The following PTPRG variants were observed in gnomAD, a reference collection of about 807,000 sequenced individuals.
PTPRG encodes the protein receptor-type tyrosine-protein phosphatase gamma.
Under a neutral mutation model 165.3 loss-of-function variants are expected in PTPRG, and 102 were observed. That is an observed-to-expected ratio of 0.62 (90% CI 0.53 to 0.73). PTPRG has a LOEUF of 0.73. Among genes scored for constraint, PTPRG ranks in the 30% least tolerant of loss-of-function variants. PTPRG has a pLI of 0.00. For synonymous variants in PTPRG, 675 were observed against 669.5 expected, an observed-to-expected ratio of 1.01 and a Z score of -0.13; for missense variants, 1,866 against 1,861.4, an observed-to-expected ratio of 1.00 and a Z score of -0.05.
chr3:61,634,045 G>A (rs548501783), intron 1 of PTPRG, among the ~76,000 whole-genome samples: 1 of 151,916 alleles, frequency 6.6e-6, no homozygotes, highest in East Asian at 1.9e-4. Flanking sequence ...CTCCCAAGTA[G>A]CTGGGATTAC....
At chr3:62,168,202 C>G (rs1705074025) in intron 8 of PTPRG, 39 bp downstream of exon 8, 1 of 1,532,982 alleles carries the variant, frequency 6.5e-7, no homozygotes, top group East Asian at 2.3e-5. Flanking sequence ...AGGAAGATTC[C>G]TTATCATAAA....
Position 61,777,128 on chromosome 3 carries a change from T to C in PTPRG, c.190+28146T>C, listed in dbSNP as rs574664491. On this transcript the variant is annotated intron_variant, in intron 2 of 29. Transcript: ENST00000474889. Reference sequence around the variant, plus strand: ...GGAATATCAGAAATGACATTTCTCTTAGTCAATACCTAATAAAATTTTACT... The same window carrying C: ...GGAATATCAGAAATGACATTTCTCTCAGTCAATACCTAATAAAATTTTACT... Among the ~76,000 whole-genome samples, 65 of 152,292 alleles carry C rather than the reference T, an allele frequency of 4.3e-4. No homozygotes were observed. The South Asian group carries it at 0.01, about 24-fold the overall frequency.
intron 2 of PTPRG, among the ~76,000 whole-genome samples, chr3:61,825,817 T>C (rs535249305): frequency 4.0e-4 from 60 of 151,884 alleles, no homozygotes; most frequent in Non-Finnish European, 6.9e-4. Flanking sequence ...AGCTACTTTT[T>C]GTTGTTGTTG....
At chr3:61,713,327 A>ATTTTTTTTTTTTTTTTTTTTTTT (rs556907427) in intron 1 of PTPRG, among the ~76,000 whole-genome samples, 5 of 135,502 alleles carry the variant, frequency 3.7e-5, no homozygotes, top group South Asian at 2.4e-4. Flanking sequence ...CGCTCAGCTA[A>ATTTTTTTTTTTTTTTTTTTTTTT]TTTTTTTTTT....
chr3:62,080,373 G>C (rs2106760293), intron 5 of PTPRG, among the ~76,000 whole-genome samples: 1 of 152,164 alleles, frequency 6.6e-6, no homozygotes, highest in African/African-American at 2.4e-5. Context: ...ACTGCGCCCA[G>C]CCCCCTTCTG....
intron 8 of PTPRG, among the ~76,000 whole-genome samples, chr3:62,178,570 T>TCTG (rs1705525298): frequency 6.6e-6 from 1 of 152,198 alleles, no homozygotes; most frequent in Admixed American, 6.5e-5. Context: ...GGCTTTTCTG[T>TCTG]CTGCCTCAAG....
intron 5 of PTPRG, among the ~76,000 whole-genome samples, chr3:62,129,580 G>T (rs1703439779): frequency 3.3e-5 from 5 of 152,006 alleles, no homozygotes; most frequent in Admixed American, 3.3e-4. Context: ...GTTGCAAGGG[G>T]GCCAAACTCA....
rs113281085 is a variant in PTPRG at position 61,696,607 on chromosome 3, A to G, written c.86-52271A>G. 4.8e-3 allele frequency among the ~76,000 whole-genome samples: 731 copies of G among 152,342 alleles called. 7 individuals are homozygous for G. The highest frequency in any genetic ancestry group is 0.017 in the African/African-American group (689 of 41,576). On this transcript the variant is annotated intron_variant, in intron 1 of 29. Coordinates refer to ENST00000474889, the MANE Select transcript of PTPRG (RefSeq NM_002841.4). ...ACTGATGGACTGATGGACTACATGA[A>G]TACACTTTCTTTTGTATTCATACTG...
At chr3:61,736,061 C>T (rs1180698898) in intron 1 of PTPRG, among the ~76,000 whole-genome samples, 1 of 152,004 alleles carries the variant, frequency 6.6e-6, no homozygotes, top group African/African-American at 2.4e-5. Context: ...GCGCAGGCCA[C>T]CATGCCTGGC....
chr3:61,602,107 G>A (rs1255386069), intron 1 of PTPRG, among the ~76,000 whole-genome samples: 4 of 152,078 alleles, frequency 2.6e-5, no homozygotes, highest in Non-Finnish European at 5.9e-5. Context: ...CTATGTGACT[G>A]TGTTAATGGA....
chr3:61,671,538 T>G (rs1451041498), intron 1 of PTPRG, among the ~76,000 whole-genome samples: 2 of 148,552 alleles, frequency 1.3e-5, no homozygotes, highest in East Asian at 4.1e-4. Context: ...CATGTCTACC[T>G]CTTTCTACAC....
chr3:62,038,675 T>G (rs945516912), intron 4 of PTPRG, among the ~76,000 whole-genome samples: 6 of 152,132 alleles, frequency 3.9e-5, no homozygotes, highest in Non-Finnish European at 8.8e-5. Context: ...GGATTACAGG[T>G]GTCAGACACC....
chr3:61,656,009 G>A (rs578159228), intron 1 of PTPRG, among the ~76,000 whole-genome samples: 3 of 151,546 alleles, frequency 2.0e-5, no homozygotes, highest in South Asian at 2.1e-4. Flanking sequence ...CAGGCCCTGA[G>A]TTTGATACCA....
rs11923118 is a variant in PTPRG, at chr3:62,078,744, G to A, written c.615+486G>A. Among the ~76,000 whole-genome samples the A allele has an allele frequency of 3.1e-3, 466 of 152,224 alleles. 4 individuals carry two copies. Among genetic ancestry groups the A allele is most frequent in the African/African-American group, 0.01 (424 of 41,514 alleles). ...ACTATCTCTGTGTTGGTACATTTAT[G>A]AACTCTTATCCTTCTGTCCTCTCTT... On this transcript the variant is annotated intron_variant, in intron 5 of 29. Transcript: ENST00000474889.
intron 2 of PTPRG, among the ~76,000 whole-genome samples, chr3:61,860,272 A>G (rs2107399044): frequency 6.6e-6 from 1 of 152,246 alleles, no homozygotes; most frequent in African/African-American, 2.4e-5. Flanking sequence ...TAGTCATGCT[A>G]TTCCATCTTA....
intron 1 of PTPRG, among the ~76,000 whole-genome samples, chr3:61,621,049 ATATGTGTGTG>A (rs946355513): frequency 1.4e-4 from 15 of 104,216 alleles, no homozygotes; most frequent in Non-Finnish European, 3.2e-4. Flanking sequence ...ATATATATAT[ATATGTGTGTG>A]TGTGTGTGTG....
At chr3:61,638,548 C>G (rs1016785416) in intron 1 of PTPRG, among the ~76,000 whole-genome samples, 1 of 147,426 alleles carries the variant, frequency 6.8e-6, no homozygotes, top group Non-Finnish European at 1.5e-5. Flanking sequence ...AAAAATCTTC[C>G]CAAGTAGCTG....
intron 1 of PTPRG, among the ~76,000 whole-genome samples, chr3:61,714,268 T>C (rs975031262): frequency 1.3e-5 from 2 of 152,138 alleles, no homozygotes; most frequent in African/African-American, 4.8e-5. Context: ...ATAGAAGCCC[T>C]GTTTTTCTAG....
At position 61,574,618 on chromosome 3, in the gene PTPRG, AT is replaced by A. The variant is rs1700134659; in HGVS notation, c.85+12247del. 2.0e-5 allele frequency among the ~76,000 whole-genome samples: 3 copies of A among 152,160 alleles called. No individual in the cohort carries two copies. The South Asian group carries it at 6.2e-4, about 31-fold the overall frequency. ...GAAGCTGCTGAAATTATTTCATGTG[AT>A]AGAGGTTTGCATGCTAGAGGTCTTA... On this transcript the variant is annotated intron_variant, in intron 1 of 29. Coordinates refer to ENST00000474889, the MANE Select transcript of PTPRG (RefSeq NM_002841.4).
Sources: gnomAD v4.1 joint callset for allele counts (sites outside exome capture counted in the v4.1 genomes callset) on GRCh38, gnomAD v4.1.1 for gene constraint, MANE v1.5 for transcripts, NCBI Gene and HGNC (gene_info 2026-07-23, HGNC 2026-07-21) for gene names.